The following DGKB variants were observed in gnomAD, a reference collection of about 807,000 sequenced individuals.
DGKB encodes diacylglycerol kinase beta, also known as 90 kDa diacylglycerol kinase.
DGKB carries 67 observed loss-of-function variants against 114.3 expected under a neutral mutation model. That is an observed-to-expected ratio of 0.59 (90% CI 0.48 to 0.72). DGKB has a LOEUF of 0.72. DGKB is among the 30% of genes least tolerant of loss of function. DGKB has a pLI of 0.00. For missense variants in DGKB, 907 were observed against 975.2 expected, an observed-to-expected ratio of 0.93 and a Z score of 0.93; for synonymous variants, 398 against 323.1, an observed-to-expected ratio of 1.23 and a Z score of -2.49.
chr7:14,166,429 G>A (rs750934345), intron 25 of DGKB, among the ~76,000 whole-genome samples: 14 of 152,130 alleles, frequency 9.2e-5, no homozygotes, highest in Non-Finnish European at 1.5e-4. Flanking sequence ...TATGAAAATG[G>A]GGAATAATCT....
chr7:14,159,299 T>C (rs529369193), intron 25 of DGKB, among the ~76,000 whole-genome samples: 2 of 152,262 alleles, frequency 1.3e-5, no homozygotes, highest in African/African-American at 4.8e-5. Context: ...CTTTGGGGCC[T>C]AGTTATATCC....
intron 1 of DGKB, among the ~76,000 whole-genome samples, chr7:14,957,068 G>A (rs1786547350): frequency 1.3e-5 from 2 of 151,812 alleles, no homozygotes; most frequent in Admixed American, 6.6e-5. Context: ...AACCTTTTGA[G>A]CTTTCTAGTT....
chr7:14,727,918 C>G (rs1390790337), intron 5 of DGKB, among the ~76,000 whole-genome samples: 1 of 152,196 alleles, frequency 6.6e-6, no homozygotes, highest in Non-Finnish European at 1.5e-5. Context: ...TTCAGTAAGT[C>G]TATTTGGTGA....
At chr7:14,697,072 T>C (rs138032902) in intron 8 of DGKB, among the ~76,000 whole-genome samples, 2 of 152,350 alleles carry the variant, frequency 1.3e-5, no homozygotes, top group Non-Finnish European at 2.9e-5. Context: ...ATATCTCTTA[T>C]CAACTTTCCC....
At chr7:14,364,391 G>A (rs938382196) in intron 21 of DGKB, among the ~76,000 whole-genome samples, 8 of 147,550 alleles carry the variant, frequency 5.4e-5, no homozygotes, top group Non-Finnish European at 1.0e-4. Context: ...AACAGGGAAA[G>A]CAAAGGAAAA....
intron 13 of DGKB, among the ~76,000 whole-genome samples, chr7:14,666,393 T>C (rs1456819246): frequency 6.6e-6 from 1 of 151,926 alleles, no homozygotes; most frequent in East Asian, 1.9e-4. Context: ...AATTAGAACA[T>C]AGAAGAGTGA....
intron 15 of DGKB, among the ~76,000 whole-genome samples, chr7:14,620,119 T>C (rs1233376734): frequency 6.6e-6 from 1 of 151,598 alleles, no homozygotes; most frequent in East Asian, 1.9e-4. Context: ...ATAGATTTTA[T>C]ATTTGACAGC....
intron 1 of DGKB, among the ~76,000 whole-genome samples, chr7:14,943,083 A>G (rs186213191): frequency 1.4e-4 from 21 of 152,038 alleles, no homozygotes; most frequent in Admixed American, 9.2e-4. Context: ...ACTTACTGAT[A>G]ATGGTGTGCT....
intron 21 of DGKB, among the ~76,000 whole-genome samples, chr7:14,449,952 A>T (rs183513359): frequency 6.6e-6 from 1 of 152,188 alleles, no homozygotes; most frequent in East Asian, 1.9e-4. Context: ...ATAGTGTGGA[A>T]AGTAAACAAA....
upstream of DGKB, among the ~76,000 whole-genome samples, chr7:14,907,619 C>T (rs1170554965): frequency 3.3e-5 from 5 of 152,138 alleles, no homozygotes; most frequent in East Asian, 9.6e-4. Flanking sequence ...TTCATTGAAA[C>T]CATAATTTCT....
chr7:14,853,245 C>A (rs142519004), intron 1 of DGKB, among the ~76,000 whole-genome samples: 9 of 152,134 alleles, frequency 5.9e-5, no homozygotes, highest in African/African-American at 2.2e-4. Context: ...GAGAAATGGA[C>A]TCAATTTACA....
rs117231902 is a variant in DGKB at position 14,381,070 on chromosome 7, C to T, written c.1836-35679G>A. On this transcript the variant is annotated intron_variant, in intron 21 of 25. Coordinates refer to ENST00000402815, the MANE Select transcript of DGKB (RefSeq NM_001350709.2). Reference sequence around the variant, plus strand: ...TCACAGTGCATGATGGAGCTGTGGGCGGGAAAACAAGAGAGAAGGCCATTG... The same window carrying T: ...TCACAGTGCATGATGGAGCTGTGGGTGGGAAAACAAGAGAGAAGGCCATTG... 6.3e-4 allele frequency among the ~76,000 whole-genome samples: 96 copies of T among 152,240 alleles called. No homozygotes were observed. The East Asian group carries it at 8.7e-3, about 14-fold the overall frequency.
At chr7:14,341,277 C>T (rs1400708285) in intron 22 of DGKB, among the ~76,000 whole-genome samples, 1 of 151,870 alleles carries the variant, frequency 6.6e-6, no homozygotes, top group South Asian at 2.1e-4. Context: ...GGCTACCTTC[C>T]TCTGTTTGCT....
At chr7:14,187,059 A>C (rs1783554101) in intron 23 of DGKB, among the ~76,000 whole-genome samples, 1 of 152,246 alleles carries the variant, frequency 6.6e-6, no homozygotes, top group African/African-American at 2.4e-5. Context: ...GTGATGGAAG[A>C]GAAAAAAGTG....
intron 2 of DGKB, among the ~76,000 whole-genome samples, chr7:14,817,872 C>T (rs1324589056): frequency 6.6e-6 from 1 of 151,734 alleles, no homozygotes; most frequent in Non-Finnish European, 1.5e-5. Context: ...AGCAAATGTA[C>T]ATGTGCATAT....
intron 4 of DGKB, among the ~76,000 whole-genome samples, chr7:14,738,310 G>C (rs1162107145): frequency 6.6e-6 from 1 of 152,202 alleles, no homozygotes; most frequent in Non-Finnish European, 1.5e-5. Flanking sequence ...TAGAAGCAAA[G>C]TTACTTATGG....
chr7:14,526,504 A>C (rs1340439910), intron 20 of DGKB, among the ~76,000 whole-genome samples: 1 of 152,180 alleles, frequency 6.6e-6, no homozygotes, highest in Admixed American at 6.6e-5. Context: ...CAATGGGAAG[A>C]GTCAACAAAT....
intron 13 of DGKB, among the ~76,000 whole-genome samples, chr7:14,644,611 G>A (rs1812538877): frequency 6.6e-6 from 1 of 152,010 alleles, no homozygotes; most frequent in East Asian, 1.9e-4. Context: ...TAATTTCCGA[G>A]CTTAAAGACA....
intron 1 of DGKB, among the ~76,000 whole-genome samples, chr7:14,860,232 G>A (rs867292362): frequency 6.6e-6 from 1 of 151,964 alleles, no homozygotes; most frequent in Non-Finnish European, 1.5e-5. Context: ...AAATTTCAGA[G>A]CATAAATCAC....
Sources: allele counts gnomAD v4.1 joint callset (sites outside exome capture counted in the v4.1 genomes callset), GRCh38; gene constraint gnomAD v4.1.1; transcripts MANE v1.5; gene names NCBI Gene and HGNC (gene_info 2026-07-23, HGNC 2026-07-21).